Variants in PSMA1 observed in about 807,000 individuals in gnomAD.
PSMA1 encodes the protein proteasome subunit alpha type-1.
A neutral mutation model predicts 38.4 loss-of-function variants in PSMA1; 3 were observed. The ratio of observed to expected loss-of-function variants is 0.08; its 90% CI spans 0.04 to 0.20. The LOEUF (loss-of-function observed/expected upper bound fraction) is 0.20, where lower values mean the gene tolerates loss of function less well. Among genes scored for constraint, PSMA1 ranks in the 10% least tolerant of loss-of-function variants. PSMA1 has a pLI of 1.00. For synonymous variants in PSMA1, 101 were observed against 107.1 expected, an observed-to-expected ratio of 0.94 and a Z score of 0.35; for missense variants, 227 against 325.3, an observed-to-expected ratio of 0.70 and a Z score of 2.32.
intron 2 of PSMA1, among the ~76,000 whole-genome samples, chr11:14,535,021 C>A (rs1453316916): frequency 2.0e-5 from 3 of 152,138 alleles, no homozygotes; most frequent in African/African-American, 7.2e-5. Context: ...TTGCAGTGGG[C>A]CGAGATTGCA....
At chr11:14,520,229 G>C in intron 1 of PSMA1, 68 bp downstream of exon 1, 2 of 1,605,560 alleles carry the variant, frequency 1.2e-6, no homozygotes, top group Non-Finnish European at 1.7e-6. Context: ...TGACAGGAGA[G>C]GTGGCTCGTC....
At chr11:14,643,119 C>G (rs1448846201) in intron 1 of PSMA1, among the ~76,000 whole-genome samples, 1 of 150,214 alleles carries the variant, frequency 6.7e-6, no homozygotes, top group Non-Finnish European at 1.5e-5. Context: ...ACGTGGAGTG[C>G]TACTAGAGTG....
intron 1 of PSMA1, among the ~76,000 whole-genome samples, chr11:14,623,768 G>A (rs979165274): frequency 5.9e-5 from 9 of 152,210 alleles, no homozygotes; most frequent in Non-Finnish European, 1.5e-5. Context: ...CATGGGCCCA[G>A]GAGCATGGAC....
intron 2 of PSMA1, among the ~76,000 whole-genome samples, chr11:14,578,275 G>T (rs1158701185): frequency 6.6e-6 from 1 of 152,158 alleles, no homozygotes; most frequent in Non-Finnish European, 1.5e-5. Context: ...TAACCCTATT[G>T]TTTGTTGTCC....
At chr11:14,577,235 A>C (rs752260225) in intron 2 of PSMA1, among the ~76,000 whole-genome samples, 2 of 152,164 alleles carry the variant, frequency 1.3e-5, no homozygotes, top group Non-Finnish European at 1.5e-5. Context: ...ATAGGTCACT[A>C]TTATTATCTT....
At chr11:14,637,240 T>C (rs943113360) in intron 1 of PSMA1, among the ~76,000 whole-genome samples, 2 of 152,208 alleles carry the variant, frequency 1.3e-5, no homozygotes, top group African/African-American at 4.8e-5. Context: ...CATGCCTCCA[T>C]GGCTTTGCAA....
chr11:14,632,900 C>T (rs1449777406), intron 1 of PSMA1, among the ~76,000 whole-genome samples: 1 of 151,838 alleles, frequency 6.6e-6, no homozygotes, highest in Non-Finnish European at 1.5e-5. Context: ...TCTTCCATCG[C>T]TGATACCCTT....
chr11:14,638,506 CCTCTCTCTCTCTCT>C lies in PSMA1; in HGVS notation c.-166+4935_-166+4948del, dbSNP rs374243163. On this transcript the variant is annotated intron_variant, in intron 1 of 10. Transcript: ENST00000418988. ...TAAGTTGGCTTAGTGGAGAAACACACCTCTCTCTCTCTCTCTCTCTCTCTCTCTCTCTCTCTCTC... is the reference window on the plus strand; with the variant it reads ...TAAGTTGGCTTAGTGGAGAAACACACCTCTCTCTCTCTCTCTCTCTCTCTC... Among the ~76,000 whole-genome samples the C allele has an allele frequency of 1.8e-3, 59 of 31,908 alleles. 2 individuals are homozygous for C. Among genetic ancestry groups the C allele is most frequent in the South Asian group, 4.0e-3 (2 of 500 alleles). 20.9% of individuals were successfully genotyped at this position (31,908 alleles called of 152,430 possible). A position where few individuals can be genotyped will look rare whatever the true frequency, so the allele number is the denominator to read the frequency against.
chr11:14,532,294 A>G (rs972569316), intron 2 of PSMA1, among the ~76,000 whole-genome samples: 6 of 152,214 alleles, frequency 3.9e-5, no homozygotes, highest in African/African-American at 1.4e-4. Context: ...TGGTTTTATA[A>G]TATACATTTT....
At chr11:14,624,385 G>T (rs888893887) in intron 1 of PSMA1, among the ~76,000 whole-genome samples, 3 of 152,170 alleles carry the variant, frequency 2.0e-5, no homozygotes, top group Non-Finnish European at 4.4e-5. Flanking sequence ...CTAACTCAGA[G>T]ACCTCTATAT....
intron 2 of PSMA1, among the ~76,000 whole-genome samples, chr11:14,586,230 G>C (rs1852343881): frequency 1.3e-5 from 2 of 152,126 alleles, no homozygotes; most frequent in Non-Finnish European, 2.9e-5. Context: ...CCAGGAATTC[G>C]AGAGCAGCCT....
chr11:14,526,164 T>C (rs1457953407), intron 2 of PSMA1, among the ~76,000 whole-genome samples: 3 of 152,146 alleles, frequency 2.0e-5, no homozygotes, highest in Non-Finnish European at 4.4e-5. Context: ...CCAGGCATGG[T>C]TGGATACTTT....
At chr11:14,526,201 C>T (rs1240204267) in intron 2 of PSMA1, among the ~76,000 whole-genome samples, 1 of 152,132 alleles carries the variant, frequency 6.6e-6, no homozygotes, top group African/African-American at 2.4e-5. Context: ...GTTTTGCCAT[C>T]CTAACAAAAC....
chr11:14,598,845 T>A (rs1475140288), intron 2 of PSMA1, among the ~76,000 whole-genome samples: 1 of 152,058 alleles, frequency 6.6e-6, no homozygotes. Context: ...ATTGATGATC[T>A]TCACAATTTG....
chr11:14,510,812 T>C, intron 8 of PSMA1, 60 bp downstream of exon 8: 1 of 1,216,782 alleles, frequency 8.2e-7, no homozygotes, highest in Non-Finnish European at 1.2e-6. Flanking sequence ...CCATTACATT[T>C]ATGCAATAAA....
At chr11:14,517,174 C>A (rs745399180) in intron 4 of PSMA1, among the ~76,000 whole-genome samples, 15 of 152,156 alleles carry the variant, frequency 9.9e-5, no homozygotes, top group South Asian at 2.1e-4. Flanking sequence ...TATAGATAAA[C>A]TTGCCTTCAA....
chr11:14,514,666 G>A (rs778854961), intron 4 of PSMA1, among the ~76,000 whole-genome samples, 175 bp from the exon 5 acceptor site: 1 of 151,580 alleles, frequency 6.6e-6, no homozygotes, highest in Non-Finnish European at 1.5e-5. Flanking sequence ...GCTAAACTCT[G>A]GAGCCACATA....
At chr11:14,629,606 C>T (rs1048790337) in intron 1 of PSMA1, among the ~76,000 whole-genome samples, 1 of 152,126 alleles carries the variant, frequency 6.6e-6, no homozygotes, top group Admixed American at 6.6e-5. Context: ...TAGTGTGATG[C>T]CTCCAGCTTT....
At chr11:14,600,846 C>T (rs1262358965) in intron 2 of PSMA1, among the ~76,000 whole-genome samples, 3 of 152,242 alleles carry the variant, frequency 2.0e-5, no homozygotes, top group Non-Finnish European at 4.4e-5. Context: ...GAGCTGCAGA[C>T]AGGAGCTGTT....
Sources: allele counts gnomAD v4.1 joint callset (sites outside exome capture counted in the v4.1 genomes callset), GRCh38; gene constraint gnomAD v4.1.1; transcripts MANE v1.5; gene names NCBI Gene and HGNC (gene_info 2026-07-23, HGNC 2026-07-21).